The following TENM2 variants were observed in gnomAD, a reference collection of about 807,000 sequenced individuals.
TENM2 encodes the protein teneurin transmembrane protein 2.
A neutral mutation model predicts 245.2 loss-of-function variants in TENM2; 52 were observed. That is an observed-to-expected ratio of 0.21 (90% confidence interval 0.17 to 0.27). The LOEUF is 0.27. Ranked by LOEUF, TENM2 falls within the 10% of genes least tolerant of loss-of-function variation. The pLI, the probability that TENM2 is intolerant of heterozygous loss-of-function variation, is 1.00. For synonymous variants in TENM2, 1,363 were observed against 1,438.9 expected, an observed-to-expected ratio of 0.95 and a Z score of 1.19; for missense variants, 3,046 against 3,666.8, an observed-to-expected ratio of 0.83 and a Z score of 4.37.
At chr5:167,429,438 G>C (rs1031832274) in intron 2 of TENM2, among the ~76,000 whole-genome samples, 3 of 152,118 alleles carry the variant, frequency 2.0e-5, no homozygotes, top group African/African-American at 4.8e-5. Flanking sequence ...GTGTAAACAA[G>C]CCAGTCCCTG....
chr5:167,157,236 T>C, the TENM2 span, among the ~76,000 whole-genome samples: 1 of 152,092 alleles, frequency 6.6e-6, no homozygotes, highest in Non-Finnish European at 1.5e-5. Flanking sequence ...AAAAGGCCCC[T>C]CCTTGATGAA....
At chr5:168,029,645 G>A (rs1029676847) in intron 5 of TENM2, among the ~76,000 whole-genome samples, 8 of 152,214 alleles carry the variant, frequency 5.3e-5, no homozygotes, top group African/African-American at 1.4e-4. Flanking sequence ...AGTCAGGGCT[G>A]ACCAGAACAT....
intron 2 of TENM2, among the ~76,000 whole-genome samples, chr5:167,575,411 G>A (rs1011245183): frequency 6.6e-6 from 1 of 150,616 alleles, no homozygotes; most frequent in Non-Finnish European, 1.5e-5. Context: ...ACGGAAGGGA[G>A]GATATTTTAT....
chr5:167,021,024 G>A, the TENM2 span, among the ~76,000 whole-genome samples: 1 of 152,086 alleles, frequency 6.6e-6, no homozygotes, highest in Non-Finnish European at 1.5e-5. Context: ...GGTGCCTGTA[G>A]TCCCAGCTAC....
intron 1 of TENM2, among the ~76,000 whole-genome samples, chr5:167,342,933 T>C (rs1206538928): frequency 6.6e-6 from 1 of 152,012 alleles, no homozygotes; most frequent in African/African-American, 2.4e-5. Context: ...TTCCATCTGA[T>C]TGGAGGCAGA....
chr5:167,105,105 A>G, the TENM2 span, among the ~76,000 whole-genome samples: 1 of 152,202 alleles, frequency 6.6e-6, no homozygotes, highest in Admixed American at 6.5e-5. Context: ...TTCAAGGTAT[A>G]TAGATAAAAT....
chr5:167,724,615 C>T (rs550301043), intron 2 of TENM2, among the ~76,000 whole-genome samples: 2 of 151,796 alleles, frequency 1.3e-5, no homozygotes, highest in Non-Finnish European at 2.9e-5. Context: ...AGAAATAGGC[C>T]CAGGGAAATG....
intron 1 of TENM2, among the ~76,000 whole-genome samples, chr5:167,320,946 C>CA (rs34725566): frequency 0.54 from 81,781 of 150,240 alleles, 22,606 homozygotes; most frequent in Admixed American, 0.63. Flanking sequence ...GACAAACAAA[C>CA]AAAAAAAAAC....
At chr5:167,544,719 G>A (rs1241473651) in intron 2 of TENM2, among the ~76,000 whole-genome samples, 1 of 152,182 alleles carries the variant, frequency 6.6e-6, no homozygotes, top group Non-Finnish European at 1.5e-5. Context: ...CCTCCTGGGA[G>A]ACAGACACTA....
chr5:167,043,004 A>G, the TENM2 span, among the ~76,000 whole-genome samples: 2 of 152,192 alleles, frequency 1.3e-5, no homozygotes, highest in Non-Finnish European at 1.5e-5. Flanking sequence ...CAGTGACACC[A>G]CAGTCTCTGG....
chr5:168,124,927 G>T lies in TENM2; in HGVS notation c.2086G>T (p.Gly696Cys), dbSNP rs1265596887. The change falls in exon 11 of 29, where the codon GGT becomes TGT. Residue 696 changes from glycine (G) to cysteine (C), a missense_variant. Coordinates refer to ENST00000518659, the Ensembl canonical transcript of TENM2. ...ATGCCTGTGCAGCCCTGGCTGGGGT[G>T]GTCTGAACTGTGAGCTGGCGAGGGT... The T allele has an allele frequency of 6.2e-6, 10 of 1,612,858 alleles. No individual in the cohort carries two copies. In the Middle Eastern group the frequency reaches 4.9e-4, roughly 80 times the overall value.
At chr5:168,249,689 G>C (rs886364645) in intron 27 of TENM2, among the ~76,000 whole-genome samples, 5 of 152,150 alleles carry the variant, frequency 3.3e-5, no homozygotes, top group Non-Finnish European at 7.3e-5. Context: ...TCTGTGATAA[G>C]TGAGAAATGG....
intron 25 of TENM2, among the ~76,000 whole-genome samples, chr5:168,231,760 C>CAACA (rs1302527445): frequency 1.8e-4 from 27 of 148,002 alleles, no homozygotes; most frequent in East Asian, 9.9e-4. Flanking sequence ...GTCTCTACAA[C>CAACA]AACAAACAAC....
chr5:167,297,124 T>C (rs1754988751), intron 1 of TENM2, among the ~76,000 whole-genome samples: 3 of 152,232 alleles, frequency 2.0e-5, no homozygotes, highest in African/African-American at 7.2e-5. Flanking sequence ...TAGAATATAA[T>C]ATTTCTTTGG....
At chr5:167,744,594 A>G (rs1436196707) in intron 2 of TENM2, among the ~76,000 whole-genome samples, 1 of 152,136 alleles carries the variant, frequency 6.6e-6, no homozygotes, top group Non-Finnish European at 1.5e-5. Flanking sequence ...AAGTCTGGAC[A>G]CGTTTTTATT....
intron 2 of TENM2, among the ~76,000 whole-genome samples, chr5:167,577,251 A>G (rs887007075): frequency 5.9e-5 from 9 of 152,140 alleles, no homozygotes; most frequent in Non-Finnish European, 1.3e-4. Context: ...GTTTTTTCCA[A>G]TGAGAGGGGG....
At chr5:167,699,904 G>A (rs1758025779) in intron 2 of TENM2, among the ~76,000 whole-genome samples, 1 of 152,162 alleles carries the variant, frequency 6.6e-6, no homozygotes, top group Non-Finnish European at 1.5e-5. Flanking sequence ...CTTTAAAGAT[G>A]AACTGACTTG....
chr5:167,673,481 A>G (rs1028207958), intron 2 of TENM2, among the ~76,000 whole-genome samples: 1 of 152,094 alleles, frequency 6.6e-6, no homozygotes, highest in Non-Finnish European at 1.5e-5. Context: ...AGCCCTTGAC[A>G]TTTGTTCCTT....
At chr5:167,232,958 A>T in the TENM2 span, among the ~76,000 whole-genome samples, 2 of 152,216 alleles carry the variant, frequency 1.3e-5, no homozygotes, top group South Asian at 2.1e-4. Context: ...TGTGCTGGAG[A>T]TACAAAGTAC....
Sources: allele counts gnomAD v4.1 joint callset (sites outside exome capture counted in the v4.1 genomes callset), GRCh38; gene constraint gnomAD v4.1.1; transcripts MANE v1.5; gene names NCBI Gene and HGNC (gene_info 2026-07-23, HGNC 2026-07-21).